ESR1: variants seen among roughly 807,000 people sequenced by gnomAD.
ESR1 encodes estrogen receptor 1.
ESR1 carries 12 observed loss-of-function variants against 52.7 expected under a neutral mutation model. That is an observed-to-expected ratio of 0.23 (90% CI 0.15 to 0.37). ESR1 has a LOEUF of 0.37. ESR1 is among the 10% of genes least tolerant of loss of function. ESR1 has a pLI of 1.00. For synonymous variants in ESR1, 305 were observed against 316.8 expected (o/e 0.96, Z 0.39); for missense variants, 584 against 779.7 (o/e 0.75, Z 2.99).
At chr6:151,694,777 A>G (rs2115371158) in intron 1 of ESR1, among the ~76,000 whole-genome samples, 1 of 148,082 alleles carries the variant, frequency 6.8e-6, no homozygotes, top group East Asian at 1.9e-4. Context: ...ACAGAGTGAA[A>G]CTGCATCTAA....
chr6:151,719,831 G>A (rs887926465), intron 2 of ESR1, among the ~76,000 whole-genome samples: 1 of 152,152 alleles, frequency 6.6e-6, no homozygotes, highest in African/African-American at 2.4e-5. Context: ...GAAAATTATA[G>A]TAGGTTTCTC....
At chr6:152,124,230 C>T (rs111814133) in intron 6 of ESR1, among the ~76,000 whole-genome samples, 15 of 152,206 alleles carry the variant, frequency 9.9e-5, no homozygotes, top group South Asian at 2.1e-4. Flanking sequence ...CGCTTGAACC[C>T]GGGAGGCGGA....
intron 2 of ESR1, among the ~76,000 whole-genome samples, chr6:151,730,210 T>C (rs1418511609): frequency 2.6e-5 from 4 of 152,124 alleles, no homozygotes; most frequent in Admixed American, 2.6e-4. Flanking sequence ...GCCCTGGCAC[T>C]GGGGCTTCTC....
chr6:151,959,971 C>T lies in ESR1; in HGVS notation c.1096+15463C>T, dbSNP rs561286125. ...TTCAAGTGTTTATAAATCCATGGAG[C>T]CAATAGAATGTAAGTTCTATGAGGG... On this transcript the variant is annotated intron_variant, in intron 4 of 7. Transcript: ENST00000206249. Among the ~76,000 whole-genome samples the T allele has an allele frequency of 4.6e-5, 7 of 152,192 alleles. No individual in the cohort carries two copies. The East Asian group carries it at 1.4e-3, about 29-fold the overall frequency.
chr6:151,720,879 CT>C (rs1277505834), intron 2 of ESR1, among the ~76,000 whole-genome samples: 1 of 152,118 alleles, frequency 6.6e-6, no homozygotes, highest in East Asian at 1.9e-4. Context: ...TGTTTATTTT[CT>C]TTTGAATTTC....
intron 1 of ESR1, among the ~76,000 whole-genome samples, chr6:151,691,144 A>G (rs1037783164): frequency 2.0e-5 from 3 of 152,214 alleles, no homozygotes; most frequent in African/African-American, 4.8e-5. Context: ...ATAAGCCATT[A>G]TTTGTTTCCT....
chr6:151,825,358 G>A (rs1366487319), intron 1 of ESR1, among the ~76,000 whole-genome samples: 4 of 152,112 alleles, frequency 2.6e-5, no homozygotes, highest in African/African-American at 9.7e-5. Flanking sequence ...GCTATGGTGT[G>A]AACAAAAGGA....
intron 2 of ESR1, among the ~76,000 whole-genome samples, chr6:151,743,641 C>G (rs1386067565): frequency 6.6e-6 from 1 of 152,110 alleles, no homozygotes; most frequent in African/African-American, 2.4e-5. Context: ...TAACAGTTTA[C>G]CTTATCTCCA....
chr6:151,979,649 G>T (rs1341114539), intron 4 of ESR1, among the ~76,000 whole-genome samples: 1 of 152,034 alleles, frequency 6.6e-6, no homozygotes, highest in Non-Finnish European at 1.5e-5. Flanking sequence ...AGAATGACTA[G>T]CAATTAAAAA....
intron 6 of ESR1, among the ~76,000 whole-genome samples, chr6:152,085,933 G>A (rs113668903): frequency 0.011 from 1,715 of 152,278 alleles, 41 homozygotes; most frequent in African/African-American, 0.039. Flanking sequence ...TCCACAGTGT[G>A]CAAGAGAGGC....
intron 1 of ESR1, among the ~76,000 whole-genome samples, chr6:151,827,576 A>C (rs1221808176): frequency 2.0e-5 from 3 of 152,204 alleles, no homozygotes; most frequent in Non-Finnish European, 2.9e-5. Flanking sequence ...CACATCGCCC[A>C]GCTTCAACTA....
At chr6:151,884,884 C>T (rs897905183) in intron 3 of ESR1, among the ~76,000 whole-genome samples, 11 of 152,086 alleles carry the variant, frequency 7.2e-5, no homozygotes, top group East Asian at 1.9e-4. Context: ...TCCTGAGGCT[C>T]GAAGTTCAAA....
intron 6 of ESR1, among the ~76,000 whole-genome samples, chr6:152,116,019 C>T (rs1196750266): frequency 6.6e-6 from 1 of 152,044 alleles, no homozygotes; most frequent in Non-Finnish European, 1.5e-5. Flanking sequence ...AGACTTTGAA[C>T]ATTAATAATT....
Position 152,099,689 on chromosome 6 carries a change from C to T in ESR1, c.*723C>T, listed in dbSNP as rs2050894294. 1 of 271,808 alleles carries T rather than the reference C, an allele frequency of 3.7e-6. No individual in the cohort carries two copies. Among genetic ancestry groups the T allele is most frequent in the Non-Finnish European group, 6.9e-6 (1 of 144,608 alleles). The allele number at this position is 271,808 out of a possible 1,614,324, so 16.8% of individuals were successfully genotyped here. On this transcript the variant is annotated 3_prime_UTR_variant, in exon 8 of 8. Coordinates refer to ENST00000206249, the MANE Select transcript of ESR1 (RefSeq NM_000125.4). The stretch of plus-strand genomic sequence containing the variant: ...GGTCATGGGTTCCAGTTAATTCATG[C>T]CTCCCATGGACCTATGGAGAGCAGC...
At chr6:151,861,855 A>G (rs1249401652) in intron 2 of ESR1, among the ~76,000 whole-genome samples, 1 of 152,012 alleles carries the variant, frequency 6.6e-6, no homozygotes, top group East Asian at 1.9e-4. Flanking sequence ...TTTTTTGCGT[A>G]GGACCAAGTG....
At chr6:151,960,824 G>A (rs191418298) in intron 4 of ESR1, among the ~76,000 whole-genome samples, 2 of 152,300 alleles carry the variant, frequency 1.3e-5, no homozygotes, top group African/African-American at 4.8e-5. Context: ...AGGACCGATG[G>A]TGGCTCTGAC....
intron 5 of ESR1, among the ~76,000 whole-genome samples, chr6:152,033,538 A>G (rs560534044): frequency 6.6e-6 from 1 of 152,254 alleles, no homozygotes; most frequent in Non-Finnish European, 1.5e-5. Flanking sequence ...CAGACACATG[A>G]AAAAATGCTC....
At chr6:151,681,704 G>A (rs1318557559) in intron 1 of ESR1, among the ~76,000 whole-genome samples, 1 of 152,174 alleles carries the variant, frequency 6.6e-6, no homozygotes, top group Non-Finnish European at 1.5e-5. Context: ...CTTCGGGACA[G>A]GCTGCTTCCT....
chr6:151,742,888 T>G (rs1783200916), intron 2 of ESR1, among the ~76,000 whole-genome samples: 1 of 152,222 alleles, frequency 6.6e-6, no homozygotes, highest in South Asian at 2.1e-4. Context: ...TCTAATTTCT[T>G]TCCTTCAGGT....
Sources: allele counts gnomAD v4.1 joint callset (sites outside exome capture counted in the v4.1 genomes callset), GRCh38; gene constraint gnomAD v4.1.1; transcripts MANE v1.5; gene names NCBI Gene and HGNC (gene_info 2026-07-23, HGNC 2026-07-21).